The following INA variants were observed in gnomAD, a reference collection of about 807,000 sequenced individuals.
INA encodes alpha-internexin.
In INA, 35 loss-of-function variants were observed where a neutral mutation model predicts 40.1. The observed-to-expected ratio is 0.87, with a 90% CI of 0.67 to 1.16. The LOEUF (loss-of-function observed/expected upper bound fraction) is 1.16, where lower values mean the gene tolerates loss of function less well. INA is among the 50% of genes most tolerant of loss of function. The probability of loss-of-function intolerance (pLI) is 0.00; values close to 1 mark genes in which losing one functional copy is unlikely to be tolerated. For missense variants in INA, 594 were observed against 686.7 expected (o/e 0.87, Z 1.51); for synonymous variants, 290 against 316.9 (o/e 0.92, Z 0.90).
In INA at chr10:103,278,367, G is replaced by T; in HGVS notation, c.1065+91G>T. On this transcript the variant is annotated intron_variant, in intron 1 of 2. Coordinates refer to ENST00000369849, the MANE Select transcript of INA (RefSeq NM_032727.4). The surrounding 1 kb of genome is among the most constrained non-coding windows in gnomAD (Gnocchi z 4.9). ...GGTAAAACTGGGCCCCAGGACTTAA[G>T]GGGAGGGCAAAAGAGAGGAGAGAAG... The T allele has an allele frequency of 9.1e-7, 1 of 1,094,338 alleles. No individual in the cohort carries two copies. The allele number at this position is 1,094,338 out of a possible 1,614,324, so 67.8% of individuals were successfully genotyped here. A position where few individuals can be genotyped will look rare whatever the true frequency, so the allele number is the denominator to read the frequency against.
At chr10:103,280,256 G>A in intron 1 of INA, 1 of 985,412 alleles carries the variant, frequency 1.0e-6, no homozygotes, top group Non-Finnish European at 1.2e-6. Context: ...AGCCACAGAG[G>A]ACCTGCTGAT....
At position 103,278,561 on chromosome 10, in the gene INA, C is replaced by CA. The variant is rs1357422626; in HGVS notation, c.1065+286dup. 6.6e-6 allele frequency among the ~76,000 whole-genome samples: 1 copy of CA among 152,206 alleles called. No individual in the cohort carries two copies. The highest frequency in any genetic ancestry group is 6.5e-5 in the Admixed American group (1 of 15,284). ...GCCTGTCTGTCAGCAAGCGGGCCTACACACACCGGCGACCCGGAGAACAGT... is the reference window on the plus strand; with the variant it reads ...GCCTGTCTGTCAGCAAGCGGGCCTACAACACACCGGCGACCCGGAGAACAGT... On this transcript the variant is annotated intron_variant, in intron 1 of 2. Coordinates refer to ENST00000369849, the MANE Select transcript of INA (RefSeq NM_032727.4). This position sits in a 1 kb window ranked among gnomAD's most constrained non-coding sequence, Gnocchi z 4.9.
rs1554858925 is a variant in INA at position 103,278,903 on chromosome 10, G to GCGCACACACACACACACACACACACA, written c.1065+628_1065+629insGCACACACACACACACACACACACAC. On this transcript the variant is annotated intron_variant, in intron 1 of 2. Coordinates refer to ENST00000369849, the MANE Select transcript of INA (RefSeq NM_032727.4). The surrounding 1 kb of genome is among the most constrained non-coding windows in gnomAD (Gnocchi z 4.9). ...ACACACACGATTCCCTTGTCCACCAGCACACACACACACACACACACACAC... is the reference window on the plus strand; with the variant it reads ...ACACACACGATTCCCTTGTCCACCAGCGCACACACACACACACACACACACACACACACACACACACACACACACAC... Among the ~76,000 whole-genome samples the GCGCACACACACACACACACACACACA allele has an allele frequency of 7.3e-6, 1 of 136,792 alleles. No individual in the cohort carries two copies. Among genetic ancestry groups the GCGCACACACACACACACACACACACA allele is most frequent in the South Asian group, 2.6e-4 (1 of 3,782 alleles). 89.7% of individuals were successfully genotyped at this position (136,792 alleles called of 152,430 possible).
At chr10:103,280,549 G>T (rs997191856) in intron 1 of INA, 1 of 985,422 alleles carries the variant, frequency 1.0e-6, no homozygotes, top group African/African-American at 1.7e-5. Context: ...TAGTGGTAGG[G>T]CCATTTTTCT....
intron 2 of INA, among the ~76,000 whole-genome samples, chr10:103,288,016 A>G (rs2093090499): frequency 1.3e-5 from 2 of 152,150 alleles, no homozygotes; most frequent in Admixed American, 6.5e-5. Flanking sequence ...TACTTAGGAA[A>G]AGTACTTCTC....
At position 103,277,455 on chromosome 10, in the gene INA, G is replaced by C. The variant is rs1258674392; in HGVS notation, c.244G>C (p.Ala82Pro). The C allele has an allele frequency of 1.3e-6, 2 of 1,574,460 alleles. No individual in the cohort carries two copies. The highest frequency in any genetic ancestry group is 1.8e-5 in the Admixed American group (1 of 56,370). The change falls in exon 1 of 3, where the codon GCG (alanine) becomes CCG (proline). Residue 82 changes from alanine (A) to proline (P), a missense_variant. Around this residue, in one of 2 missense-constraint regions of INA, gnomAD observed 215 missense variants for 190.6 expected, o/e 1.13. Transcript: ENST00000369849. The surrounding 1 kb of genome is among the most constrained non-coding windows in gnomAD (Gnocchi z 5.6). ...SDGLDLSQAA[A>P]RTNEYKIIRT... ...CGGGCTGGACCTGAGCCAGGCGGCG[G>C]CGCGCACCAACGAGTACAAGATCAT...
At position 103,289,377 on chromosome 10, in the gene INA, G is replaced by T. The variant is rs2093094451; in HGVS notation, c.*708G>T. The T allele has an allele frequency of 1.3e-5, 2 of 152,520 alleles. No homozygotes were observed. The highest frequency in any genetic ancestry group is 4.1e-4 in the South Asian group (2 of 4,832). 9.4% of individuals were successfully genotyped at this position (152,520 alleles called of 1,614,324 possible). ...GCCCATTTCATATTCTTTCAATTCT[G>T]TAGGTTAAAAAAATGGCAGTGATGA... On this transcript the variant is annotated 3_prime_UTR_variant, in exon 3 of 3. Coordinates refer to ENST00000369849, the MANE Select transcript of INA (RefSeq NM_032727.4).
rs189225017 is a variant in INA at position 103,277,430 on chromosome 10, C to A, written c.219C>A (p.Asp73Glu). Residue 73 changes from aspartate (D) to glutamate (E), a missense_variant, in exon 1 of 3, where the codon GAC becomes GAA. By Grantham distance (45) the Asp-to-Glu change is conservative (BLOSUM62 2). Transcript: ENST00000369849. The surrounding 1 kb of genome is among the most constrained non-coding windows in gnomAD (Gnocchi z 5.6). ...CCTATCGCCGGCCGCCGGCGTCCGA[C>A]GGGCTGGACCTGAGCCAGGCGGCGG... Reference protein sequence around the residue: ...GLAYRRPPASDGLDLSQAAAR... With the variant: ...GLAYRRPPASEGLDLSQAAAR... The A allele has an allele frequency of 9.6e-6, 15 of 1,562,714 alleles. No individual in the cohort carries two copies. The African/African-American group carries it at 1.6e-4, about 16-fold the overall frequency.
At chr10:103,285,997 C>G (rs1295647365) in intron 1 of INA, among the ~76,000 whole-genome samples, 2 of 151,764 alleles carry the variant, frequency 1.3e-5, no homozygotes, top group African/African-American at 4.8e-5. Flanking sequence ...CCTGAAGGGC[C>G]TGGGACAGCA....
At chr10:103,286,335 CAAA>C (rs71019675) in intron 1 of INA, among the ~76,000 whole-genome samples, 10 of 51,706 alleles carry the variant, frequency 1.9e-4, no homozygotes, top group African/African-American at 5.4e-4. Flanking sequence ...GACCTTGTCT[CAAA>C]AAAAAAAAAA....
In INA at chr10:103,286,757, A is replaced by G. The variant is rs544783399; in HGVS notation, c.1066-278A>G. Among the ~76,000 whole-genome samples, 6 of 152,268 alleles carry G rather than the reference A, an allele frequency of 3.9e-5. No individual in the cohort carries two copies. In the South Asian group the frequency reaches 1.2e-3, roughly 32 times the overall value. On this transcript the variant is annotated intron_variant, in intron 1 of 2. Coordinates refer to ENST00000369849, the MANE Select transcript of INA (RefSeq NM_032727.4). ...CTATATGCCGTGTGGCTATCCTGAA[A>G]AGGGCAGGTGTTCACTTGCCCTCTG... is the stretch of plus-strand genomic sequence containing the variant.
rs2093062089 is a variant in INA, at chr10:103,277,491, G to C, written c.280G>C (p.Glu94Gln). ...CGAGTACAAGATCATCCGCACCAAC[G>C]AGAAGGAGCAGCTGCAGGGCCTCAA... ...TNEYKIIRTN[E>Q]KEQLQGLNDR... The change falls in exon 1 of 3, where the codon GAG (glutamate) becomes CAG (glutamine). Residue 94 changes from glutamate to glutamine, a missense_variant. Physicochemically the swap from Glu to Gln is conservative, Grantham distance 29. Coordinates refer to ENST00000369849, the MANE Select transcript of INA (RefSeq NM_032727.4). This position sits in a 1 kb window ranked among gnomAD's most constrained non-coding sequence, Gnocchi z 5.6. 2 of 1,589,086 alleles carry C rather than the reference G, an allele frequency of 1.3e-6. No individual in the cohort carries two copies. The highest frequency in any genetic ancestry group is 2.3e-5 in the East Asian group (1 of 42,604).
Position 103,277,624 on chromosome 10 carries a change from G to T in INA, c.413G>T (p.Arg138Leu). Residue 138 changes from arginine to leucine, a missense_variant, in exon 1 of 3, where the codon CGC becomes CTC. By Grantham distance (102) the Arg-to-Leu change is moderately radical. Around this residue, in one of 2 missense-constraint regions of INA, gnomAD observed 379 missense variants for 496.1 expected, o/e 0.76. Transcript: ENST00000369849. This position sits in a 1 kb window ranked among gnomAD's most constrained non-coding sequence, Gnocchi z 5.6. ...CGACAGCGCCACGCTGAGCCGTCGCGCGTCGGCGAGCTCTTCCAGCGCGAG... is the reference window on the plus strand; with the variant it reads ...CGACAGCGCCACGCTGAGCCGTCGCTCGTCGGCGAGCTCTTCCAGCGCGAG... ...ALRQRHAEPSRVGELFQRELR... is the reference protein window; with the variant it reads ...ALRQRHAEPSLVGELFQRELR... The T allele has an allele frequency of 6.8e-7, 1 of 1,480,192 alleles. No homozygotes were observed. 91.7% of individuals were successfully genotyped at this position (1,480,192 alleles called of 1,614,324 possible).
In INA at chr10:103,290,048, T is replaced by C. The variant is rs2093096696; in HGVS notation, c.*1379T>C. 6.6e-6 allele frequency: 1 copy of C among 152,664 alleles called. No homozygotes were observed. The highest frequency in any genetic ancestry group is 2.1e-4 in the South Asian group (1 of 4,836). The allele number at this position is 152,664 out of a possible 1,614,324, so 9.5% of individuals were successfully genotyped here. ...TCTTCATCTGCCCAACTGTGTAGCA[T>C]CTGCATTGCCCAGTCTTTCATGTGT... On this transcript the variant is annotated 3_prime_UTR_variant, in exon 3 of 3. Transcript: ENST00000369849.
intron 1 of INA, among the ~76,000 whole-genome samples, chr10:103,282,038 T>C (rs1433774916): frequency 1.3e-5 from 2 of 152,144 alleles, no homozygotes; most frequent in African/African-American, 4.8e-5. Context: ...TGAAGGGCAA[T>C]GCAAGACACA....
In INA at chr10:103,278,303, G is replaced by C; in HGVS notation, c.1065+27G>C. 1 of 1,487,354 alleles carries C rather than the reference G, an allele frequency of 6.7e-7. No homozygotes were observed. The highest frequency in any genetic ancestry group is 2.4e-4 in the Middle Eastern group (1 of 4,154). 92.1% of individuals were successfully genotyped at this position (1,487,354 alleles called of 1,614,324 possible). A position where few individuals can be genotyped will look rare whatever the true frequency, so the allele number is the denominator to read the frequency against. On this transcript the variant is annotated intron_variant, in intron 1 of 2. Coordinates refer to ENST00000369849, the MANE Select transcript of INA (RefSeq NM_032727.4). The surrounding 1 kb of genome is among the most constrained non-coding windows in gnomAD (Gnocchi z 4.9). ...TAAGGGCCGGGGCTGGGCGTGGGGAGGGGTGCCCTGCCCTCTTCCGCGCGT... is the reference window on the plus strand; with the variant it reads ...TAAGGGCCGGGGCTGGGCGTGGGGACGGGTGCCCTGCCCTCTTCCGCGCGT...
At position 103,289,520 on chromosome 10, in the gene INA, C is replaced by G. The variant is rs1291551324; in HGVS notation, c.*851C>G. On this transcript the variant is annotated 3_prime_UTR_variant, in exon 3 of 3. Coordinates refer to ENST00000369849, the MANE Select transcript of INA (RefSeq NM_032727.4). ...AACTATTAAGGATGTAGCTTTTCAC[C>G]TTTACTTTAGAAGCACAGTAAATAT... 6.6e-6 allele frequency: 1 copy of G among 152,622 alleles called. No homozygotes were observed. The highest frequency in any genetic ancestry group is 1.5e-5 in the Non-Finnish European group (1 of 68,042). 9.5% of individuals were successfully genotyped at this position (152,622 alleles called of 1,614,324 possible).
In INA at chr10:103,288,722, T is replaced by G; in HGVS notation, c.*53T>G. 1 of 1,184,988 alleles carries G rather than the reference T, an allele frequency of 8.4e-7. No individual in the cohort carries two copies. The highest frequency in any genetic ancestry group is 1.2e-6 in the Non-Finnish European group (1 of 838,002). 73.4% of individuals were successfully genotyped at this position (1,184,988 alleles called of 1,614,324 possible). On this transcript the variant is annotated 3_prime_UTR_variant, in exon 3 of 3. Coordinates refer to ENST00000369849, the MANE Select transcript of INA (RefSeq NM_032727.4). ...TAAGAGGGAATGATATGCATTTGAC[T>G]TGTTAAACAGCCTATTCCTGAACTA...
At chr10:103,279,290 T>C (rs1463277119) in intron 1 of INA, among the ~76,000 whole-genome samples, 1 of 152,158 alleles carries the variant, frequency 6.6e-6, no homozygotes, top group East Asian at 1.9e-4. Flanking sequence ...ATTTTTTTCA[T>C]TGTAAGTGCA....
Sources: gnomAD v4.1 joint callset for allele counts (sites outside exome capture counted in the v4.1 genomes callset) on GRCh38, gnomAD v4.1.1 for gene constraint, gnomAD v4.1.1 regional missense constraint, Gnocchi (gnomAD v3.1) non-coding constraint, MANE v1.5 for transcripts, NCBI Gene and HGNC (gene_info 2026-07-23, HGNC 2026-07-21) for gene names.